The following COL5A2 variants were observed in gnomAD, a reference collection of about 807,000 sequenced individuals.
COL5A2 encodes collagen type V alpha 2 chain, also known as collagen alpha-2(V) chain.
A neutral mutation model predicts 208.2 loss-of-function variants in COL5A2; 23 were observed. The ratio of observed to expected loss-of-function variants is 0.11; its 90% CI spans 0.08 to 0.16. The LOEUF is 0.16. Among genes scored for constraint, COL5A2 ranks in the 10% least tolerant of loss-of-function variants. COL5A2 has a pLI of 1.00. For synonymous variants in COL5A2, 625 were observed against 628.5 expected (o/e 0.99, Z 0.08); for missense variants, 1,590 against 1,956.4 (o/e 0.81, Z 3.53).
the COL5A2 span, among the ~76,000 whole-genome samples, chr2:189,367,106 C>T: frequency 5.3e-5 from 8 of 152,316 alleles, no homozygotes; most frequent in African/African-American, 1.9e-4. Context: ...CAGAAAACTA[C>T]GTAAGACTAT....
Position 189,178,734 on chromosome 2 carries a change from G to T in COL5A2, c.97+774C>A, listed in dbSNP as rs1379145898. Among the ~76,000 whole-genome samples the T allele has an allele frequency of 2.7e-5, 4 of 147,720 alleles. No homozygotes were observed. The East Asian group carries it at 7.9e-4, about 29-fold the overall frequency. Reference sequence around the variant, plus strand: ...TAAAAAAAAAAAAAAAAAAAAGCTTGGGTCTAAGGGGTAATGTCCATGCAA... The same window carrying T: ...TAAAAAAAAAAAAAAAAAAAAGCTTTGGTCTAAGGGGTAATGTCCATGCAA... On this transcript the variant is annotated intron_variant, in intron 1 of 53. Coordinates refer to ENST00000374866, the MANE Select transcript of COL5A2 (RefSeq NM_000393.5).
the COL5A2 span, among the ~76,000 whole-genome samples, chr2:189,282,869 C>T: frequency 6.6e-6 from 1 of 152,062 alleles, no homozygotes; most frequent in Admixed American, 6.6e-5. Flanking sequence ...ATCTTTAACA[C>T]TCTAGAAATA....
chr2:189,042,854 A>C (rs1685588569), intron 48 of COL5A2, 81 bp from the exon 49 acceptor site: 1 of 1,354,582 alleles, frequency 7.4e-7, no homozygotes. Context: ...GCTATCATTG[A>C]CTTTAGCAGC....
chr2:189,046,693 T>C (rs1685674918), intron 45 of COL5A2, among the ~76,000 whole-genome samples: 1 of 152,102 alleles, frequency 6.6e-6, no homozygotes, highest in Non-Finnish European at 1.5e-5. Context: ...AGACTGTATT[T>C]TCTGACAAAA....
chr2:189,218,404 A>T (rs1027876796), intron 1 of COL5A2, among the ~76,000 whole-genome samples: 6 of 152,138 alleles, frequency 3.9e-5, no homozygotes, highest in African/African-American at 1.4e-4. Context: ...ATTGTGTACA[A>T]ACTGGGAAAC....
At chr2:189,339,031 A>G in the COL5A2 span, among the ~76,000 whole-genome samples, 1 of 152,196 alleles carries the variant, frequency 6.6e-6, no homozygotes, top group African/African-American at 2.4e-5. Flanking sequence ...GCCTAGACAC[A>G]TGTTTAGTGT....
chr2:189,128,565 C>T (rs573164564), intron 1 of COL5A2, among the ~76,000 whole-genome samples: 2 of 151,972 alleles, frequency 1.3e-5, no homozygotes, highest in East Asian at 3.9e-4. Context: ...GCATCAGAAT[C>T]GCTCAGAGAA....
intron 1 of COL5A2, among the ~76,000 whole-genome samples, chr2:189,155,773 C>A (rs1179503854): frequency 1.3e-5 from 2 of 152,170 alleles, no homozygotes; most frequent in East Asian, 3.9e-4. Context: ...ACCAAAAATT[C>A]ATTATCTTCT....
upstream of COL5A2, among the ~76,000 whole-genome samples, chr2:189,183,797 T>C (rs146155649): frequency 2.7e-3 from 408 of 152,290 alleles, 3 homozygotes; most frequent in African/African-American, 8.0e-3. Context: ...ATAATAATAA[T>C]GCATGCCTAT....
intron 13 of COL5A2, among the ~76,000 whole-genome samples, chr2:189,080,571 G>A (rs983714462): frequency 2.6e-5 from 4 of 152,000 alleles, no homozygotes; most frequent in Non-Finnish European, 4.4e-5. Context: ...CAGTAATAAG[G>A]AAGGCATTCT....
chr2:189,087,170 T>TTAGA (rs146381885), intron 8 of COL5A2, among the ~76,000 whole-genome samples: 20,176 of 152,208 alleles, frequency 0.13, 1,360 homozygotes, highest in Middle Eastern at 0.19. Flanking sequence ...TTCTTATAAC[T>TTAGA]TAAATAAGTT....
chr2:189,034,344 A>T, intron 53 of COL5A2, 128 bp from the exon 54 acceptor site: 1 of 962,516 alleles, frequency 1.0e-6, no homozygotes, highest in South Asian at 1.4e-5. Context: ...AAAAAAAAGG[A>T]ATGAAAACAT....
the COL5A2 span, among the ~76,000 whole-genome samples, chr2:189,244,135 G>C: frequency 6.6e-6 from 1 of 152,186 alleles, no homozygotes; most frequent in Non-Finnish European, 1.5e-5. Context: ...TCATGCCCTG[G>C]AGACATTTTC....
At chr2:189,381,909 A>G in the COL5A2 span, among the ~76,000 whole-genome samples, 1 of 152,110 alleles carries the variant, frequency 6.6e-6, no homozygotes, top group African/African-American at 2.4e-5. Flanking sequence ...TATTTGAAAA[A>G]TAGCCCTTTA....
At chr2:189,295,704 A>T in the COL5A2 span, among the ~76,000 whole-genome samples, 1 of 152,252 alleles carries the variant, frequency 6.6e-6, no homozygotes, top group Non-Finnish European at 1.5e-5. Flanking sequence ...TATACAGCAC[A>T]TAGACAACAT....
chr2:189,116,528 G>T (rs1455196277), intron 1 of COL5A2, among the ~76,000 whole-genome samples: 2 of 152,124 alleles, frequency 1.3e-5, no homozygotes, highest in Non-Finnish European at 2.9e-5. Flanking sequence ...TACCTGAGGG[G>T]GATCTATTAC....
At chr2:189,206,763 G>C (rs1202922785) in intron 1 of COL5A2, among the ~76,000 whole-genome samples, 1 of 152,202 alleles carries the variant, frequency 6.6e-6, no homozygotes, top group Non-Finnish European at 1.5e-5. Context: ...AAGAGCCACA[G>C]AGGACAGCAG....
the COL5A2 span, among the ~76,000 whole-genome samples, chr2:189,305,350 G>A: frequency 1.3e-5 from 2 of 152,200 alleles, no homozygotes; most frequent in Admixed American, 6.5e-5. Context: ...GTATTAACTG[G>A]TGAGGCCTTT....
the COL5A2 span, among the ~76,000 whole-genome samples, chr2:189,294,012 T>C: frequency 6.9e-6 from 1 of 144,912 alleles, no homozygotes; most frequent in African/African-American, 2.6e-5. Context: ...GGCGTGAACC[T>C]GGGAAGCGGA....
Sources: allele counts gnomAD v4.1 joint callset (sites outside exome capture counted in the v4.1 genomes callset), GRCh38; gene constraint gnomAD v4.1.1; transcripts MANE v1.5; gene names NCBI Gene and HGNC (gene_info 2026-07-23, HGNC 2026-07-21).